UNC13D: variants seen among roughly 807,000 people sequenced by gnomAD.
UNC13D encodes protein unc-13 homolog D.
In UNC13D, 115 loss-of-function variants were observed where a neutral mutation model predicts 151.7. The ratio of observed to expected loss-of-function variants is 0.76; its 90% CI spans 0.65 to 0.88. UNC13D has a LOEUF of 0.88. Among genes scored for constraint, UNC13D ranks in the 40% least tolerant of loss-of-function variants. The probability of loss-of-function intolerance (pLI) is 0.00; values close to 1 mark genes in which losing one functional copy is unlikely to be tolerated. For synonymous variants in UNC13D, 588 were observed against 612.2 expected (o/e 0.96, Z 0.58); for missense variants, 1,369 against 1,438.7 (o/e 0.95, Z 0.78).
chr17:75,841,948 C>G (rs1306620475), intron 6 of UNC13D, among the ~76,000 whole-genome samples: 4 of 151,842 alleles, frequency 2.6e-5, no homozygotes, highest in Admixed American at 1.3e-4. Flanking sequence ...GGGGTTTCAC[C>G]GTGTTAGCCA....
Position 75,833,009 on chromosome 17 carries a change from G to C in UNC13D, c.2404C>G (p.Leu802Val), listed in dbSNP as rs751369282. ...ACCAAGTTGGTGTTCATGTAGCAAAGCTCCACCTCCAGGAACTTCATCAGG... is the reference window on the plus strand; with the variant it reads ...ACCAAGTTGGTGTTCATGTAGCAAACCTCCACCTCCAGGAACTTCATCAGG... ...LPLMKFLEVELCYMNTNLVQE... is the reference protein window; with the variant it reads ...LPLMKFLEVEVCYMNTNLVQE... The change falls in exon 25 of 32, where the codon CTT (leucine) becomes GTT (valine). Residue 802 changes from leucine to valine, a missense_variant. By Grantham distance (32) the Leu-to-Val change is conservative. This residue lies in a region of UNC13D where 807 missense variants were observed against 795.5 expected (regional missense o/e 1.01). Coordinates refer to ENST00000207549, the MANE Select transcript of UNC13D (RefSeq NM_199242.3). The surrounding 1 kb of genome is among the most constrained non-coding windows in gnomAD (Gnocchi z 4.0). The C allele has an allele frequency of 5.6e-6, 9 of 1,604,300 alleles. No individual in the cohort carries two copies. Among genetic ancestry groups the C allele is most frequent in the African/African-American group, 1.3e-5 (1 of 74,888 alleles).
intron 23 of UNC13D, 69 bp from the exon 24 acceptor site, chr17:75,834,212 C>A: frequency 6.2e-7 from 1 of 1,601,780 alleles, no homozygotes; most frequent in Non-Finnish European, 8.5e-7. Flanking sequence ...TTCCTTAGGG[C>A]CTGAGTTTAG....
chr17:75,839,765 C>T, intron 12 of UNC13D, 74 bp downstream of exon 12: 2 of 1,483,534 alleles, frequency 1.3e-6, no homozygotes, highest in African/African-American at 1.4e-5. Flanking sequence ...ACACTTTGGG[C>T]TACCGGCTTG....
Position 75,840,386 on chromosome 17 carries a change from C to T in UNC13D, c.754-57G>A, listed in dbSNP as rs1465456840. On this transcript the variant is annotated intron_variant, in intron 9 of 31. Transcript: ENST00000207549. The surrounding 1 kb of genome is among the most constrained non-coding windows in gnomAD (Gnocchi z 4.6). ...TCAGAACCTCATAGAGTCGGGGCAG[C>T]GGAGGCGACAGGAGGTGGACCCCAG... The T allele has an allele frequency of 4.4e-6, 7 of 1,607,652 alleles. No homozygotes were observed. Among genetic ancestry groups the T allele is most frequent in the East Asian group, 2.2e-5 (1 of 44,784 alleles).
chr17:75,829,485 G>A (rs564949304), intron 30 of UNC13D, among the ~76,000 whole-genome samples: 32 of 152,140 alleles, frequency 2.1e-4, no homozygotes, highest in South Asian at 1.2e-3. Context: ...AGTAGAGACG[G>A]GGTTTCACCA....
intron 25 of UNC13D, 25 bp from the exon 26 acceptor site, chr17:75,831,373 GAC>G (rs773702083): frequency 1.0e-5 from 16 of 1,598,592 alleles, no homozygotes; most frequent in Non-Finnish European, 1.3e-5. Context: ...GAGGGATGCG[GAC>G]ACAGCACGGC....
rs1411800733 is a variant in UNC13D at position 75,833,336 on chromosome 17, T to TTC, written c.2368-293_2368-292dup. The TTC allele has an allele frequency of 3.5e-6, 1 of 288,922 alleles. No homozygotes were observed. Among genetic ancestry groups the TTC allele is most frequent in the Non-Finnish European group, 6.8e-6 (1 of 148,078 alleles). The allele number at this position is 288,922 out of a possible 1,614,324, so 17.9% of individuals were successfully genotyped here. On this transcript the variant is annotated intron_variant, in intron 24 of 31. Coordinates refer to ENST00000207549, the MANE Select transcript of UNC13D (RefSeq NM_199242.3). This position sits in a 1 kb window ranked among gnomAD's most constrained non-coding sequence, Gnocchi z 4.0. ...GCCTGGAATGCTCCTCCCCTAGAAC[T>TTC]TCTCATGCCTCCTCCCCTTGCTTCC...
Position 75,840,531 on chromosome 17 carries a change from C to A in UNC13D, c.729G>T (p.Leu243=), listed in dbSNP as rs1599412849. The change falls in exon 9 of 32, where the codon CTG becomes CTT. Residue 243 remains leucine, a synonymous_variant. Transcript: ENST00000207549. The surrounding 1 kb of genome is among the most constrained non-coding windows in gnomAD (Gnocchi z 4.6). ...CCTGCAGCCTCAGAACCACGTTCCC[C>A]AGAAAGTCGTCCTGGCCTTTGTCCT... The part of the protein sequence containing the change: ...ARKDKGQDDF[L]GNVVLRLQDL... The A allele has an allele frequency of 7.4e-6, 12 of 1,614,108 alleles. No homozygotes were observed. In the East Asian group the frequency reaches 2.7e-4, roughly 36 times the overall value.
chr17:75,838,844 T>A (rs1021101402), intron 12 of UNC13D, among the ~76,000 whole-genome samples: 7 of 152,194 alleles, frequency 4.6e-5, no homozygotes, highest in African/African-American at 9.6e-5. Flanking sequence ...CACGCGCCTA[T>A]AATCCCAGCA....
At chr17:75,835,111 C>T (rs773184570) in intron 20 of UNC13D, 48 bp from the exon 21 acceptor site, 5 of 1,608,672 alleles carry the variant, frequency 3.1e-6, no homozygotes, top group Non-Finnish European at 4.2e-6. Flanking sequence ...CCACCCCCTT[C>T]CCTCCTTCCT....
rs2064911722 is a variant in UNC13D, at chr17:75,836,684, C to A, written c.1186G>T (p.Ala396Ser). ...GTCAGCAGGGAGCTGAATGAGGCGGCCAGCTCCTCCTGCTGAAGAGCCAGG... is the reference window on the plus strand; with the variant it reads ...GTCAGCAGGGAGCTGAATGAGGCGGACAGCTCCTCCTGCTGAAGAGCCAGG... ...RLKAEQQEEL[A>S]ASFSSLLTYG... The change falls in exon 14 of 32, where the codon GCC becomes TCC. Residue 396 changes from alanine to serine, a missense_variant. By Grantham distance (99) the Ala-to-Ser change is moderately conservative (BLOSUM62 1). Transcript: ENST00000207549. The A allele has an allele frequency of 6.2e-7, 1 of 1,613,642 alleles. No homozygotes were observed. Among genetic ancestry groups the A allele is most frequent in the Non-Finnish European group, 8.5e-7 (1 of 1,180,022 alleles).
In UNC13D at chr17:75,834,323, A is replaced by G. The variant is rs1253119043; in HGVS notation, c.2298+2T>C. The G allele has an allele frequency of 6.3e-7, 1 of 1,594,306 alleles. No homozygotes were observed. Among genetic ancestry groups the G allele is most frequent in the East Asian group, 2.2e-5 (1 of 44,732 alleles). The stretch of plus-strand genomic sequence containing the variant: ...GGGTGACTGTGCGGTCGGACAAGGT[A>G]CCTGCTCGGCCAGGGTGCGGACGCC... On this transcript the variant is annotated splice_donor_variant, in intron 23 of 31. Transcript: ENST00000207549. LOFTEE classifies it high-confidence loss of function.
chr17:75,831,282 GCTGCGCTGGGAGGCGGCCGCCTCCAC>G lies in UNC13D; in HGVS notation c.2488_2513del (p.Val830LeufsTer22). The stretch of plus-strand genomic sequence containing the variant: ...TCAGCCTGTTGGAAGCCAGGGATGA[GCTGCGCTGGGAGGCGGCCGCCTCCAC>G]CAGCACTGTGAGTGTGTGGGTCCAG... On this transcript the variant is annotated frameshift_variant, in exon 26 of 32. Transcript: ENST00000207549. LOFTEE classifies it high-confidence loss of function. 1 of 1,613,968 alleles carries G rather than the reference GCTGCGCTGGGAGGCGGCCGCCTCCAC, an allele frequency of 6.2e-7. No homozygotes were observed. The highest frequency in any genetic ancestry group is 1.3e-5 in the African/African-American group (1 of 75,068).
chr17:75,835,319 C>T (rs2064899579), intron 20 of UNC13D, 90 bp downstream of exon 20: 11 of 1,534,506 alleles, frequency 7.2e-6, no homozygotes, highest in Non-Finnish European at 8.8e-6. Flanking sequence ...GAGCGGGTTA[C>T]TGGCTTTTAC....
At chr17:75,838,567 C>T (rs1308416080) in intron 12 of UNC13D, among the ~76,000 whole-genome samples, 1 of 152,156 alleles carries the variant, frequency 6.6e-6, no homozygotes, top group Non-Finnish European at 1.5e-5. Context: ...ATGGCTGTGA[C>T]CCCCTGTGCC....
rs140758914 is a variant in UNC13D at position 75,840,005 on chromosome 17, A to C, written c.951+13T>G. On this transcript the variant is annotated intron_variant, in intron 11 of 31. Transcript: ENST00000207549. The surrounding 1 kb of genome is among the most constrained non-coding windows in gnomAD (Gnocchi z 4.6). ...GGCAGCCCCGGCTGCGCCCAGCCCC[A>C]GGAGGGCAATACCTCGTGCTGGGTG... The C allele has an allele frequency of 0.018, 29,283 of 1,613,498 alleles. 507 individuals carry two copies. The highest frequency in any genetic ancestry group is 0.13 in the Middle Eastern group (793 of 6,024).
At chr17:75,843,721 A>G in intron 1 of UNC13D, 2 of 1,442,266 alleles carry the variant, frequency 1.4e-6, no homozygotes, top group Non-Finnish European at 1.8e-6. Context: ...GCTGAGGTCC[A>G]TGGGTGCCCA....
In UNC13D at chr17:75,833,072, T is replaced by C; in HGVS notation, c.2368-27A>G. On this transcript the variant is annotated intron_variant, in intron 24 of 31. Transcript: ENST00000207549. This position sits in a 1 kb window ranked among gnomAD's most constrained non-coding sequence, Gnocchi z 4.0. Reference sequence around the variant, plus strand: ...TGGGGAGGGAGATGGGGAGCAGGTGTGGCTCCGGCCCATGTTGGCCCCACC... The same window carrying C: ...TGGGGAGGGAGATGGGGAGCAGGTGCGGCTCCGGCCCATGTTGGCCCCACC... 2 of 1,587,544 alleles carry C rather than the reference T, an allele frequency of 1.3e-6. No homozygotes were observed. Among genetic ancestry groups the C allele is most frequent in the Non-Finnish European group, 1.7e-6 (2 of 1,167,182 alleles).
chr17:75,842,379 C>T, intron 6 of UNC13D, 54 bp downstream of exon 6: 1 of 1,577,404 alleles, frequency 6.3e-7, no homozygotes, highest in South Asian at 1.1e-5. Flanking sequence ...TGGGGCAGAC[C>T]CTGCTACCCA....
Sources: allele counts gnomAD v4.1 joint callset (sites outside exome capture counted in the v4.1 genomes callset), GRCh38; gene constraint gnomAD v4.1.1; regional missense constraint gnomAD v4.1.1; non-coding constraint Gnocchi (gnomAD v3.1); transcripts MANE v1.5; gene names NCBI Gene and HGNC (gene_info 2026-07-23, HGNC 2026-07-21).